The following IDS variants were observed in gnomAD, a reference collection of about 807,000 sequenced individuals.
The protein encoded by IDS is alpha-L-iduronate sulfate sulfatase.
In IDS, 1 loss-of-function variant was observed where a neutral mutation model predicts 33.5. The ratio of observed to expected loss-of-function variants is 0.03; its 90% CI spans 0.01 to 0.14. IDS has a LOEUF of 0.14. Ranked by LOEUF, IDS falls within the 10% of genes least tolerant of loss-of-function variation. The pLI is 1.00. For missense variants in IDS, 328 were observed against 448.0 expected (o/e 0.73, Z 2.42); for synonymous variants, 191 against 184.4 (o/e 1.04, Z -0.29).
At chrX:149,493,268 A>G (rs1044021356) in intron 6 of IDS, among the ~76,000 whole-genome samples, 76 of 112,548 alleles carry the variant, frequency 6.8e-4, no homozygotes, top group African/African-American at 2.3e-3. Flanking sequence ...GGAGGCCAAC[A>G]GTCCCAGAAG....
At position 149,482,123 on chromosome X, in the gene IDS, C is replaced by T. The variant is rs782149968; in HGVS notation, c.*623G>A. 9.8e-5 allele frequency: 11 copies of T among 112,305 alleles called. No individual in the cohort carries two copies. Among genetic ancestry groups the T allele is most frequent in the Non-Finnish European group, 1.3e-4 (7 of 53,256 alleles). 9.3% of individuals were successfully genotyped at this position (112,305 alleles called of 1,213,427 possible). On this transcript the variant is annotated 3_prime_UTR_variant, in exon 9 of 9. Transcript: ENST00000340855. ...TGGTGTAAAAATTCTACATTAATTA[C>T]TTCATACATATTTTATCTTGAGATT...
intron 6 of IDS, among the ~76,000 whole-genome samples, chrX:149,494,783 A>G (rs953253770): frequency 8.9e-6 from 1 of 112,163 alleles, no homozygotes; most frequent in Non-Finnish European, 1.9e-5. Context: ...TATCATGGAA[A>G]AACTTTACCT....
chrX:149,505,181 C>A lies in IDS; in HGVS notation c.-44G>T. On this transcript the variant is annotated 5_prime_UTR_variant, in exon 1 of 9. Coordinates refer to ENST00000340855, the MANE Select transcript of IDS (RefSeq NM_000202.8). ...GCTTCAGAGCGGCGGGGACAGGCTG[C>A]AGCAGGTGGCGCAGTTAGCAGCCGC... 1 of 1,003,500 alleles carries A rather than the reference C, an allele frequency of 1.0e-6. No individual in the cohort carries two copies. The highest frequency in any genetic ancestry group is 1.4e-6 in the Non-Finnish European group (1 of 724,641). 82.7% of individuals were successfully genotyped at this position (1,003,500 alleles called of 1,213,427 possible).
At chrX:149,485,308 G>A (rs924918495) in intron 8 of IDS, among the ~76,000 whole-genome samples, 2 of 112,121 alleles carry the variant, frequency 1.8e-5, no homozygotes, top group African/African-American at 3.3e-5. Context: ...CAAGCAAGGG[G>A]ACCATTTAGC....
In IDS at chrX:149,505,225, C is replaced by G. The variant is rs1263923160; in HGVS notation, c.-88G>C. The G allele has an allele frequency of 3.1e-6, 2 of 651,776 alleles. No homozygotes were observed. Among genetic ancestry groups the G allele is most frequent in the Admixed American group, 6.9e-5 (2 of 28,958 alleles). 53.7% of individuals were successfully genotyped at this position (651,776 alleles called of 1,213,427 possible). On this transcript the variant is annotated 5_prime_UTR_variant, in exon 1 of 9. Coordinates refer to ENST00000340855, the MANE Select transcript of IDS (RefSeq NM_000202.8). Reference sequence around the variant, plus strand: ...CAGCCGCCGCCGCAGCCACAGAGACCTCCTCGTCGGGAACCCATGAAGACT... The same window carrying G: ...CAGCCGCCGCCGCAGCCACAGAGACGTCCTCGTCGGGAACCCATGAAGACT...
In IDS at chrX:149,482,565, G is replaced by C; in HGVS notation, c.*181C>G. The C allele has an allele frequency of 1.6e-6, 1 of 642,583 alleles. No individual in the cohort carries two copies. 53.0% of individuals were successfully genotyped at this position (642,583 alleles called of 1,213,427 possible). A position where few individuals can be genotyped will look rare whatever the true frequency, so the allele number is the denominator to read the frequency against. ...ATTACCAATTATAAATTTTAATAAA[G>C]ACTAAACGAAAAGGTTTGGCTGTTA... is the stretch of plus-strand genomic sequence containing the variant. On this transcript the variant is annotated 3_prime_UTR_variant, in exon 9 of 9. Coordinates refer to ENST00000340855, the MANE Select transcript of IDS (RefSeq NM_000202.8).
intron 1 of IDS, 59 bp from the exon 2 acceptor site, chrX:149,504,352 A>T (rs1294623851): frequency 2.7e-6 from 3 of 1,113,506 alleles, no homozygotes; most frequent in South Asian, 3.9e-5. Context: ...ACCCTCCCTC[A>T]TGGTAGGTGC....
intron 8 of IDS, among the ~76,000 whole-genome samples, chrX:149,485,394 G>T (rs2089327866): frequency 8.9e-6 from 1 of 112,253 alleles, no homozygotes; most frequent in African/African-American, 3.2e-5. Flanking sequence ...GTGGGAAGTG[G>T]TACACAGAGT....
intron 8 of IDS, 22 bp from the exon 9 acceptor site, chrX:149,483,240 C>A (rs2089308614): frequency 1.7e-6 from 2 of 1,143,858 alleles, no homozygotes; most frequent in Admixed American, 2.2e-5. Context: ...AGCGACAGAG[C>A]AGAATGGGTT....
intron 8 of IDS, among the ~76,000 whole-genome samples, chrX:149,484,556 G>A (rs55741461): frequency 0.013 from 1,410 of 112,657 alleles, 16 homozygotes; most frequent in African/African-American, 0.043. Flanking sequence ...TCCTGACCTC[G>A]TGATCCGCCC....
At chrX:149,493,033 C>G (rs1557338902) in intron 6 of IDS, among the ~76,000 whole-genome samples, 3 of 111,412 alleles carry the variant, frequency 2.7e-5, no homozygotes, top group African/African-American at 9.8e-5. Context: ...GGCCTGACCA[C>G]GCGGAAGCCT....
At position 149,477,493 on chromosome X, in the gene IDS, C is replaced by T. The variant is rs921443877; in HGVS notation, c.*5253G>A. 3.5e-5 allele frequency: 4 copies of T among 112,840 alleles called. No homozygotes were observed. Among genetic ancestry groups the T allele is most frequent in the African/African-American group, 1.3e-4 (4 of 30,998 alleles). 9.3% of individuals were successfully genotyped at this position (112,840 alleles called of 1,213,427 possible). On this transcript the variant is annotated 3_prime_UTR_variant, in exon 9 of 9. Coordinates refer to ENST00000340855, the MANE Select transcript of IDS (RefSeq NM_000202.8). ...TTCTCTCCCACCCAAACTCTTCCCC[C>T]ATCAGAGGATAAGGACTATCACCTA... is the stretch of plus-strand genomic sequence containing the variant.
Position 149,481,945 on chromosome X carries a change from G to A in IDS, c.*801C>T, listed in dbSNP as rs2089298032. ...GTCACATCTTTAAATGTTTTCCAGT[G>A]TGAACAACAGTCTTTTAATAGATGG... On this transcript the variant is annotated 3_prime_UTR_variant, in exon 9 of 9. Transcript: ENST00000340855. 8.9e-6 allele frequency: 1 copy of A among 112,429 alleles called. No individual in the cohort carries two copies. Among genetic ancestry groups the A allele is most frequent in the African/African-American group, 3.2e-5 (1 of 30,921 alleles). The allele number at this position is 112,429 out of a possible 1,213,427, so 9.3% of individuals were successfully genotyped here.
At chrX:149,488,064 C>CGTA (rs1386874726) in intron 7 of IDS, among the ~76,000 whole-genome samples, 7 of 87,356 alleles carry the variant, frequency 8.0e-5, no homozygotes, top group African/African-American at 1.8e-4. Context: ...CCCTCTTACC[C>CGTA]ACTCATCAAT....
chrX:149,484,922 C>T lies in IDS; in HGVS notation c.1181-1704G>A, dbSNP rs373071081. 8.9e-5 allele frequency among the ~76,000 whole-genome samples: 10 copies of T among 112,148 alleles called. No individual in the cohort carries two copies. In the South Asian group the frequency reaches 3.7e-3, roughly 42 times the overall value. ...ATCTGGCTGATGCTAGCTAGCTCTT[C>T]AACCGAGTGTTCAAACTTACAATAC... On this transcript the variant is annotated intron_variant, in intron 8 of 8. Coordinates refer to ENST00000340855, the MANE Select transcript of IDS (RefSeq NM_000202.8).
rs6641186 is a variant in IDS at position 149,481,089 on chromosome X, C to G, written c.*1657G>C. On this transcript the variant is annotated 3_prime_UTR_variant, in exon 9 of 9. Transcript: ENST00000340855. ...AGGCAATAAAGCCAAATGCACTGAACTATGTCATAAGGAATTTACAGGCTG... is the reference window on the plus strand; with the variant it reads ...AGGCAATAAAGCCAAATGCACTGAAGTATGTCATAAGGAATTTACAGGCTG... 8.9e-6 allele frequency: 1 copy of G among 112,145 alleles called. No individual in the cohort carries two copies. The highest frequency in any genetic ancestry group is 1.9e-5 in the Non-Finnish European group (1 of 53,268). 9.2% of individuals were successfully genotyped at this position (112,145 alleles called of 1,213,427 possible).
chrX:149,501,956 G>T (rs782807985), intron 3 of IDS: 9 of 226,120 alleles, frequency 4.0e-5, no homozygotes, highest in Non-Finnish European at 5.9e-5. Context: ...CCTCTGGCAA[G>T]CTACTTGACT....
intron 1 of IDS, 129 bp from the exon 2 acceptor site, chrX:149,504,422 G>C: frequency 1.4e-6 from 1 of 723,240 alleles, no homozygotes; most frequent in Non-Finnish European, 2.1e-6. Flanking sequence ...CAGGGAGGGC[G>C]CTGTGCCTCA....
At chrX:149,487,567 T>C (rs1157863465) in intron 7 of IDS, among the ~76,000 whole-genome samples, 11 of 111,870 alleles carry the variant, frequency 9.8e-5, no homozygotes, top group Non-Finnish European at 2.1e-4. Context: ...CACCTAACAG[T>C]GAGCTGTGGA....
Sources: gnomAD v4.1 joint callset for allele counts (sites outside exome capture counted in the v4.1 genomes callset) on GRCh38, gnomAD v4.1.1 for gene constraint, MANE v1.5 for transcripts, NCBI Gene and HGNC (gene_info 2026-07-23, HGNC 2026-07-21) for gene names.